The following CCSER1 variants were observed in gnomAD, a reference collection of about 807,000 sequenced individuals.
CCSER1 encodes serine-rich coiled-coil domain-containing protein 1.
In CCSER1, 41 loss-of-function variants were observed where a neutral mutation model predicts 82.0. That is an observed-to-expected ratio of 0.50 (90% CI 0.39 to 0.65). The LOEUF (loss-of-function observed/expected upper bound fraction) is 0.65, where lower values mean the gene tolerates loss of function less well. Among genes scored for constraint, CCSER1 ranks in the 30% least tolerant of loss-of-function variants. CCSER1 has a pLI of 0.00. For missense variants in CCSER1, 1,119 were observed against 1,064.2 expected (o/e 1.05, Z -0.72); for synonymous variants, 414 against 383.9 (o/e 1.08, Z -0.92).
chr4:91,289,766 C>CA (rs1177261420), intron 10 of CCSER1, among the ~76,000 whole-genome samples: 1 of 151,746 alleles, frequency 6.6e-6, no homozygotes, highest in Non-Finnish European at 1.5e-5. Flanking sequence ...ATTGAAATCC[C>CA]AATGGAAGAA....
intron 10 of CCSER1, among the ~76,000 whole-genome samples, chr4:91,101,013 A>G (rs1190808890): frequency 6.6e-6 from 1 of 152,214 alleles, no homozygotes; most frequent in Non-Finnish European, 1.5e-5. Context: ...TGACAGAAAA[A>G]TACTTTGCAA....
At chr4:90,202,142 T>C (rs1488550278) in intron 1 of CCSER1, among the ~76,000 whole-genome samples, 1 of 152,140 alleles carries the variant, frequency 6.6e-6, no homozygotes. Flanking sequence ...TTTTTGGTGA[T>C]TCATAATGAA....
chr4:90,591,528 G>C (rs766818487), intron 5 of CCSER1, among the ~76,000 whole-genome samples: 13 of 152,136 alleles, frequency 8.5e-5, no homozygotes, highest in African/African-American at 2.4e-4. Context: ...TAAAAGTTAA[G>C]AAACAACAGA....
intron 3 of CCSER1, among the ~76,000 whole-genome samples, chr4:90,348,109 C>T (rs1277239553): frequency 6.6e-6 from 1 of 151,906 alleles, no homozygotes; most frequent in Non-Finnish European, 1.5e-5. Flanking sequence ...ACACTGGGGC[C>T]TTTTGGAGGC....
intron 1 of CCSER1, among the ~76,000 whole-genome samples, chr4:90,299,122 A>G (rs1285569104): frequency 6.6e-6 from 1 of 152,094 alleles, no homozygotes; most frequent in Non-Finnish European, 1.5e-5. Flanking sequence ...TAATTAATCC[A>G]AACGACTCAT....
intron 5 of CCSER1, among the ~76,000 whole-genome samples, chr4:90,574,324 A>G (rs1455000974): frequency 7.8e-6 from 1 of 128,880 alleles, no homozygotes; most frequent in African/African-American, 3.1e-5. Context: ...TGCGGACTGC[A>G]GTGGCGCAAT....
chr4:90,401,547 T>C (rs1428382443), intron 4 of CCSER1, among the ~76,000 whole-genome samples: 1 of 152,204 alleles, frequency 6.6e-6, no homozygotes, highest in African/African-American at 2.4e-5. Context: ...TGTTTTGTTT[T>C]GTTTGAAACA....
At chr4:90,994,021 G>T (rs1737272065) in intron 9 of CCSER1, among the ~76,000 whole-genome samples, 1 of 151,908 alleles carries the variant, frequency 6.6e-6, no homozygotes, top group African/African-American at 2.4e-5. Flanking sequence ...ACCATCATAA[G>T]TTGAAAATAT....
intron 6 of CCSER1, among the ~76,000 whole-genome samples, chr4:90,643,834 T>C (rs1727009801): frequency 2.0e-5 from 3 of 152,272 alleles, no homozygotes; most frequent in African/African-American, 7.2e-5. Flanking sequence ...CATATAAATG[T>C]TGTTGTAAAG....
chr4:90,425,719 G>A (rs1757429826), intron 4 of CCSER1, among the ~76,000 whole-genome samples: 1 of 152,134 alleles, frequency 6.6e-6, no homozygotes, highest in Non-Finnish European at 1.5e-5. Flanking sequence ...CTATTTAAAA[G>A]TCAATATTAC....
chr4:90,153,338 A>T (rs1727282309), intron 1 of CCSER1, among the ~76,000 whole-genome samples: 2 of 152,240 alleles, frequency 1.3e-5, no homozygotes, highest in African/African-American at 4.8e-5. Flanking sequence ...TAGTGCCGCA[A>T]TAAACATACA....
intron 9 of CCSER1, among the ~76,000 whole-genome samples, chr4:91,068,293 G>A (rs1375685700): frequency 6.6e-6 from 1 of 152,144 alleles, no homozygotes; most frequent in Non-Finnish European, 1.5e-5. Flanking sequence ...AGTTCTTTGG[G>A]TTTGAGAGGA....
At chr4:91,287,778 A>C (rs1476003240) in intron 10 of CCSER1, among the ~76,000 whole-genome samples, 1 of 151,970 alleles carries the variant, frequency 6.6e-6, no homozygotes, top group Non-Finnish European at 1.5e-5. Context: ...AATCATCCAC[A>C]TACCACAGGA....
chr4:90,439,579 C>T (rs114822335), intron 4 of CCSER1, among the ~76,000 whole-genome samples: 1 of 152,204 alleles, frequency 6.6e-6, no homozygotes, highest in African/African-American at 2.4e-5. Context: ...CAAATTGTCC[C>T]CTTAGATATT....
At chr4:91,540,820 T>A (rs968787469) in intron 10 of CCSER1, among the ~76,000 whole-genome samples, 3 of 152,164 alleles carry the variant, frequency 2.0e-5, no homozygotes, top group African/African-American at 7.2e-5. Context: ...GTTCACTGTA[T>A]TGCCTTTGCT....
At chr4:90,629,021 A>T (rs980431350) in intron 6 of CCSER1, among the ~76,000 whole-genome samples, 1 of 152,162 alleles carries the variant, frequency 6.6e-6, no homozygotes, top group Admixed American at 6.6e-5. Context: ...TTTGTATTAC[A>T]TCCTATTATA....
chr4:90,222,108 G>A (rs1411197082), intron 1 of CCSER1, among the ~76,000 whole-genome samples: 1 of 152,036 alleles, frequency 6.6e-6, no homozygotes, highest in Admixed American at 6.6e-5. Context: ...TTTCTGGGGT[G>A]GGGATATTCA....
At chr4:90,359,346 A>T (rs1387983668) in intron 3 of CCSER1, among the ~76,000 whole-genome samples, 1 of 152,232 alleles carries the variant, frequency 6.6e-6, no homozygotes, top group Non-Finnish European at 1.5e-5. Flanking sequence ...CCATTTTTAA[A>T]TTCAGTAGAG....
At chr4:91,468,365 A>G (rs956238993) in intron 10 of CCSER1, among the ~76,000 whole-genome samples, 1 of 152,154 alleles carries the variant, frequency 6.6e-6, no homozygotes, top group Middle Eastern at 3.4e-3. Context: ...GTGTGCAGGG[A>G]GGGGAGAGGG....
Sources: gnomAD v4.1 joint callset for allele counts (sites outside exome capture counted in the v4.1 genomes callset) on GRCh38, gnomAD v4.1.1 for gene constraint, MANE v1.5 for transcripts, NCBI Gene and HGNC (gene_info 2026-07-23, HGNC 2026-07-21) for gene names.